BNIP3L: variants seen among roughly 807,000 people sequenced by gnomAD.
BNIP3L encodes BCL2 interacting protein 3 like.
In BNIP3L, 10 loss-of-function variants were observed where a neutral mutation model predicts 25.5. The ratio of observed to expected loss-of-function variants is 0.39; its 90% CI spans 0.24 to 0.67. The LOEUF (loss-of-function observed/expected upper bound fraction) is 0.67. BNIP3L is among the 30% of genes least tolerant of loss of function. The pLI, the probability that BNIP3L is intolerant of heterozygous loss-of-function variation, is 0.45. For synonymous variants in BNIP3L, 113 were observed against 101.2 expected (o/e 1.12, Z -0.70); for missense variants, 215 against 270.9 (o/e 0.79, Z 1.45).
At chr8:26,391,707 C>T (rs1002274170) in intron 2 of BNIP3L, among the ~76,000 whole-genome samples, 1 of 152,186 alleles carries the variant, frequency 6.6e-6, no homozygotes, top group Non-Finnish European at 1.5e-5. Context: ...GGCATAAATG[C>T]TAATTTATAG....
intron 2 of BNIP3L, 65 bp from the exon 3 acceptor site, chr8:26,395,165 A>G: frequency 1.3e-6 from 2 of 1,534,564 alleles, no homozygotes; most frequent in Non-Finnish European, 1.8e-6. Flanking sequence ...TCTAATTTCT[A>G]GTAGAGACTA....
At chr8:26,407,019 A>G (rs1259028254) in intron 3 of BNIP3L, among the ~76,000 whole-genome samples, 3 of 149,136 alleles carry the variant, frequency 2.0e-5, no homozygotes, top group South Asian at 2.1e-4. Context: ...TTGAGATGGA[A>G]TCTCACTCTA....
In BNIP3L at chr8:26,409,383, A is replaced by G. The variant is rs142538790; in HGVS notation, c.612-981A>G. Among the ~76,000 whole-genome samples the G allele has an allele frequency of 2.6e-5, 4 of 152,294 alleles. No homozygotes were observed. In the East Asian group the frequency reaches 7.7e-4, roughly 29 times the overall value. ...TATAAGATATGCAGAAGATGGGGTC[A>G]TCCTTTTTCTTCCCTTTAAGGAGCT... is the stretch of plus-strand genomic sequence containing the variant. On this transcript the variant is annotated intron_variant, in intron 5 of 5. Transcript: ENST00000380629.
chr8:26,410,458 G>A lies in BNIP3L; in HGVS notation c.*46G>A, dbSNP rs1806597639. On this transcript the variant is annotated 3_prime_UTR_variant, in exon 6 of 6. Transcript: ENST00000380629. The stretch of plus-strand genomic sequence containing the variant: ...AAATGCGTGTGACCTGTGAAGTGGT[G>A]TATTGTCACAGTAGCTTATTTGAAC... 6.2e-7 allele frequency: 1 copy of A among 1,606,012 alleles called. No homozygotes were observed. Among genetic ancestry groups the A allele is most frequent in the Admixed American group, 1.7e-5 (1 of 60,000 alleles).
In BNIP3L at chr8:26,383,167, CACAACA is replaced by C; in HGVS notation, c.49_54del (p.Asn17_Asn18del). 1 of 1,597,628 alleles carries C rather than the reference CACAACA, an allele frequency of 6.3e-7. No homozygotes were observed. The highest frequency in any genetic ancestry group is 1.1e-5 in the South Asian group (1 of 90,668). ...CCTAGTCGAGCCGCCGCCGCCCCTG[CACAACA>C]ACAACAACAACTGCGAGGAAAATGA... On this transcript the variant is annotated inframe_deletion, in exon 1 of 6. Coordinates refer to ENST00000380629, the MANE Select transcript of BNIP3L (RefSeq NM_004331.3).
At position 26,408,104 on chromosome 8, in the gene BNIP3L, G is replaced by T; in HGVS notation, c.461+1G>T. The T allele has an allele frequency of 6.2e-7, 1 of 1,614,076 alleles. No homozygotes were observed. Among genetic ancestry groups the T allele is most frequent in the Non-Finnish European group, 8.5e-7 (1 of 1,179,906 alleles). ...GTAGACCCGAAAACATTCCACCCAA[G>T]TGAGTTCTCACATGTTTCTTGTCAG... On this transcript the variant is annotated splice_donor_variant, in intron 4 of 5. Coordinates refer to ENST00000380629, the MANE Select transcript of BNIP3L (RefSeq NM_004331.3). LOFTEE classifies it high-confidence loss of function.
intron 2 of BNIP3L, among the ~76,000 whole-genome samples, chr8:26,392,134 T>C (rs1806126619): frequency 4.0e-5 from 6 of 151,772 alleles, no homozygotes; most frequent in Admixed American, 3.9e-4. Context: ...GTGTGTGGAA[T>C]GAAACCAGGT....
chr8:26,402,281 A>G (rs1438797912), intron 3 of BNIP3L, among the ~76,000 whole-genome samples: 1 of 152,216 alleles, frequency 6.6e-6, no homozygotes, highest in African/African-American at 2.4e-5. Flanking sequence ...ATATAAGATG[A>G]TCTGACTGGA....
In BNIP3L at chr8:26,411,864, T is replaced by C. The variant is rs1433490456; in HGVS notation, c.*1452T>C. 1 of 152,640 alleles carries C rather than the reference T, an allele frequency of 6.6e-6. No individual in the cohort carries two copies. Among genetic ancestry groups the C allele is most frequent in the Non-Finnish European group, 1.5e-5 (1 of 68,044 alleles). The allele number at this position is 152,640 out of a possible 1,614,324, so 9.5% of individuals were successfully genotyped here. ...ATATTGACTATTTAGAGAACCGTTG[T>C]TAATTTTAAAACTAGCAATCTATAA... On this transcript the variant is annotated 3_prime_UTR_variant, in exon 6 of 6. Coordinates refer to ENST00000380629, the MANE Select transcript of BNIP3L (RefSeq NM_004331.3).
intron 3 of BNIP3L, among the ~76,000 whole-genome samples, chr8:26,398,516 AAGC>A (rs1156951762): frequency 1.6e-4 from 21 of 130,050 alleles, no homozygotes; most frequent in African/African-American, 5.7e-4. Context: ...CCACAAGAGA[AAGC>A]AGGAAAGATC....
chr8:26,409,680 C>A (rs780289830), intron 5 of BNIP3L, among the ~76,000 whole-genome samples: 2 of 152,194 alleles, frequency 1.3e-5, no homozygotes, highest in Non-Finnish European at 2.9e-5. Flanking sequence ...CTTGCCGTCT[C>A]TCTTTCAGTC....
chr8:26,412,802 A>C lies in BNIP3L; in HGVS notation c.*2390A>C, dbSNP rs1563345562. ...GACAAAAAGGCAGGCTTCATTTTTC[A>C]TATGTTTGATGAAAACTGGCTCAAG... On this transcript the variant is annotated 3_prime_UTR_variant, in exon 6 of 6. Coordinates refer to ENST00000380629, the MANE Select transcript of BNIP3L (RefSeq NM_004331.3). The C allele has an allele frequency of 6.6e-6, 1 of 152,574 alleles. No individual in the cohort carries two copies. Among genetic ancestry groups the C allele is most frequent in the Non-Finnish European group, 1.5e-5 (1 of 68,030 alleles). The allele number at this position is 152,574 out of a possible 1,614,324, so 9.5% of individuals were successfully genotyped here. A position where few individuals can be genotyped will look rare whatever the true frequency, so the allele number is the denominator to read the frequency against.
intron 3 of BNIP3L, among the ~76,000 whole-genome samples, chr8:26,402,050 G>A (rs925420036): frequency 6.6e-5 from 10 of 152,026 alleles, no homozygotes; most frequent in South Asian, 2.1e-4. Context: ...TTGTTTTGTC[G>A]GGTTCTCACT....
At chr8:26,397,440 C>G (rs1300307949) in intron 3 of BNIP3L, among the ~76,000 whole-genome samples, 76 of 121,036 alleles carry the variant, frequency 6.3e-4, no homozygotes, top group African/African-American at 2.5e-3. Flanking sequence ...TTTGTCACCA[C>G]CAGGCCTGCC....
At chr8:26,384,139 C>T (rs890554811) in intron 1 of BNIP3L, among the ~76,000 whole-genome samples, 4 of 152,116 alleles carry the variant, frequency 2.6e-5, no homozygotes, top group African/African-American at 9.7e-5. Context: ...TCGTGAGAAC[C>T]GGGAGCCTTC....
intron 3 of BNIP3L, among the ~76,000 whole-genome samples, chr8:26,401,666 A>T (rs1023957816): frequency 2.6e-5 from 4 of 152,008 alleles, no homozygotes; most frequent in African/African-American, 7.2e-5. Flanking sequence ...AGAACTAGAC[A>T]TGAAGACTTT....
At chr8:26,389,823 A>G (rs1806065738) in intron 1 of BNIP3L, among the ~76,000 whole-genome samples, 1 of 152,110 alleles carries the variant, frequency 6.6e-6, no homozygotes, top group African/African-American at 2.4e-5. Flanking sequence ...TGTGAGGGTG[A>G]TGTTCAGTTC....
intron 1 of BNIP3L, among the ~76,000 whole-genome samples, chr8:26,390,862 G>A (rs1806091609): frequency 6.6e-6 from 1 of 152,156 alleles, no homozygotes; most frequent in East Asian, 1.9e-4. Flanking sequence ...TATGAAGAAA[G>A]TGTGTGTGTA....
chr8:26,393,817 A>G (rs1454224026), intron 2 of BNIP3L, among the ~76,000 whole-genome samples: 2 of 152,208 alleles, frequency 1.3e-5, no homozygotes, highest in South Asian at 2.1e-4. Context: ...AAAATTTCCT[A>G]AATATATATG....
Sources: allele counts gnomAD v4.1 joint callset (sites outside exome capture counted in the v4.1 genomes callset), GRCh38; gene constraint gnomAD v4.1.1; transcripts MANE v1.5; gene names NCBI Gene and HGNC (gene_info 2026-07-23, HGNC 2026-07-21).